Variants in KPNA4 observed in about 807,000 individuals in gnomAD.
The protein encoded by KPNA4 is karyopherin subunit alpha 4.
In KPNA4, 13 loss-of-function variants were observed where a neutral mutation model predicts 71.3. That is an observed-to-expected ratio of 0.18 (90% CI 0.12 to 0.29). The LOEUF is 0.29. KPNA4 is among the 10% of genes least tolerant of loss of function. The probability of loss-of-function intolerance (pLI) is 1.00; values close to 1 mark genes in which losing one functional copy is unlikely to be tolerated. For synonymous variants in KPNA4, 189 were observed against 195.2 expected (o/e 0.97, Z 0.26); for missense variants, 334 against 603.2 (o/e 0.55, Z 4.67).
At chr3:160,506,278 C>A (rs1191074718) in intron 15 of KPNA4, among the ~76,000 whole-genome samples, 1 of 151,896 alleles carries the variant, frequency 6.6e-6, no homozygotes, top group East Asian at 1.9e-4. Context: ...AAATGATTCT[C>A]GTGCCTCAGC....
At chr3:160,509,903 T>C (rs1001412874) in intron 13 of KPNA4, 32 bp from the exon 14 acceptor site, 12 of 1,447,384 alleles carry the variant, frequency 8.3e-6, no homozygotes, top group Non-Finnish European at 8.7e-6. Context: ...GCTATAAAAA[T>C]TGCCACATAG....
chr3:160,516,126 A>T (rs891607424), intron 11 of KPNA4, among the ~76,000 whole-genome samples: 1 of 151,900 alleles, frequency 6.6e-6, no homozygotes, highest in Admixed American at 6.6e-5. Flanking sequence ...AGCTGGGATT[A>T]CAGGCGCGTG....
At position 160,527,936 on chromosome 3, in the gene KPNA4, A is replaced by G; in HGVS notation, c.556+17T>C. On this transcript the variant is annotated intron_variant, in intron 8 of 16. Transcript: ENST00000334256. ...TGATAACAATTTTTAGACTAGTATT[A>G]CAAGTTTTATACAAACCTATGATAT... 6.3e-7 allele frequency: 1 copy of G among 1,584,484 alleles called. No homozygotes were observed. The highest frequency in any genetic ancestry group is 1.1e-5 in the South Asian group (1 of 89,912).
At chr3:160,503,824 T>C (rs1166649181) in intron 16 of KPNA4, among the ~76,000 whole-genome samples, 4 of 152,230 alleles carry the variant, frequency 2.6e-5, no homozygotes, top group Non-Finnish European at 4.4e-5. Flanking sequence ...GGCTCATGCC[T>C]GTAATCCCAG....
chr3:160,509,076 T>G (rs1048588263), intron 14 of KPNA4, among the ~76,000 whole-genome samples: 1 of 152,218 alleles, frequency 6.6e-6, no homozygotes, highest in African/African-American at 2.4e-5. Context: ...AGCTCTAAAT[T>G]TGTTCTTTTT....
chr3:160,556,125 C>T (rs138469280), intron 1 of KPNA4, among the ~76,000 whole-genome samples: 5 of 152,348 alleles, frequency 3.3e-5, no homozygotes, highest in East Asian at 1.9e-4. Context: ...TGAGCCACTG[C>T]GCCCAGCCAA....
At chr3:160,555,256 T>C (rs770753199) in intron 1 of KPNA4, among the ~76,000 whole-genome samples, 53 of 152,382 alleles carry the variant, frequency 3.5e-4, no homozygotes, top group Non-Finnish European at 4.1e-4. Context: ...AAAGAGTTTT[T>C]AGTTTTATTT....
chr3:160,524,296 T>C lies in KPNA4; in HGVS notation c.771+1504A>G, dbSNP rs548682323. On this transcript the variant is annotated intron_variant, in intron 10 of 16. Coordinates refer to ENST00000334256, the MANE Select transcript of KPNA4 (RefSeq NM_002268.5). ...AAGATGTCTTGTTTTCTAGTAGAGG[T>C]ATAAACTTTGAAGTTAAATCTTTCT... is the stretch of plus-strand genomic sequence containing the variant. Among the ~76,000 whole-genome samples, 11 of 152,288 alleles carry C rather than the reference T, an allele frequency of 7.2e-5. No homozygotes were observed. The East Asian group carries it at 2.1e-3, about 29-fold the overall frequency.
At chr3:160,565,050 ACTTCCCGGCGCGCTAG>A (rs1485487701) in intron 1 of KPNA4, among the ~76,000 whole-genome samples, 148 bp downstream of exon 1, 1 of 150,572 alleles carries the variant, frequency 6.6e-6, no homozygotes, top group Non-Finnish European at 1.5e-5. Flanking sequence ...CCCGACATAA[ACTTCCCGGCGCGCTAG>A]CAGAGGCGTC....
Position 160,543,401 on chromosome 3 carries a change from C to T in KPNA4, c.70-6561G>A, listed in dbSNP as rs558410129. On this transcript the variant is annotated intron_variant, in intron 1 of 16. Transcript: ENST00000334256. Reference sequence around the variant, plus strand: ...TGTCACCCAGGCTGGAGTGCAGTGGCGCGACCTCAGCTCACTGTAACCTCA... The same window carrying T: ...TGTCACCCAGGCTGGAGTGCAGTGGTGCGACCTCAGCTCACTGTAACCTCA... Among the ~76,000 whole-genome samples, 48 of 151,530 alleles carry T rather than the reference C, an allele frequency of 3.2e-4. No individual in the cohort carries two copies. The South Asian group carries it at 9.6e-3, about 30-fold the overall frequency.
At chr3:160,508,992 C>G (rs1405677642) in intron 14 of KPNA4, among the ~76,000 whole-genome samples, 1 of 152,132 alleles carries the variant, frequency 6.6e-6, no homozygotes. Flanking sequence ...CTGTTCTGCT[C>G]TGTATTTATG....
chr3:160,535,007 C>T (rs1347195865), intron 5 of KPNA4, among the ~76,000 whole-genome samples: 1 of 151,940 alleles, frequency 6.6e-6, no homozygotes, highest in Admixed American at 6.6e-5. Flanking sequence ...CAGGTGTGAG[C>T]CACCTCGCCC....
chr3:160,527,670 G>T (rs1721483892), intron 8 of KPNA4, among the ~76,000 whole-genome samples: 1 of 152,048 alleles, frequency 6.6e-6, no homozygotes, highest in South Asian at 2.1e-4. Context: ...AGAAAAAATG[G>T]ATCCTAGCAT....
chr3:160,512,749 C>T (rs1293316824), intron 13 of KPNA4, among the ~76,000 whole-genome samples: 1 of 151,972 alleles, frequency 6.6e-6, no homozygotes, highest in African/African-American at 2.4e-5. Context: ...CAAGAATCGC[C>T]TAAACCCGGG....
chr3:160,564,956 C>G (rs1431766187), intron 1 of KPNA4, among the ~76,000 whole-genome samples: 7 of 146,970 alleles, frequency 4.8e-5, no homozygotes, highest in African/African-American at 1.5e-4. Context: ...CCCCTCGCAC[C>G]CGCGCCGGGC....
intron 1 of KPNA4, among the ~76,000 whole-genome samples, chr3:160,545,294 G>A (rs1721881668): frequency 6.6e-6 from 1 of 152,170 alleles, no homozygotes; most frequent in Non-Finnish European, 1.5e-5. Context: ...CTCTAGTTAT[G>A]TTCACATACT....
At chr3:160,546,448 GC>G (rs1721909944) in intron 1 of KPNA4, among the ~76,000 whole-genome samples, 1 of 152,080 alleles carries the variant, frequency 6.6e-6, no homozygotes, top group Non-Finnish European at 1.5e-5. Context: ...AACCCAGGCG[GC>G]CGAGGTTGCA....
intron 13 of KPNA4, among the ~76,000 whole-genome samples, chr3:160,511,460 CATT>C (rs1013856278): frequency 2.0e-5 from 3 of 151,942 alleles, no homozygotes; most frequent in Non-Finnish European, 4.4e-5. Flanking sequence ...CAAATATCAT[CATT>C]AATAGATTGA....
At chr3:160,546,998 T>G (rs1222039895) in intron 1 of KPNA4, among the ~76,000 whole-genome samples, 1 of 152,200 alleles carries the variant, frequency 6.6e-6, no homozygotes, top group East Asian at 1.9e-4. Context: ...GTTTCCAGGG[T>G]GAGCTTTTGA....
Sources: gnomAD v4.1 joint callset for allele counts (sites outside exome capture counted in the v4.1 genomes callset) on GRCh38, gnomAD v4.1.1 for gene constraint, MANE v1.5 for transcripts, NCBI Gene and HGNC (gene_info 2026-07-23, HGNC 2026-07-21) for gene names.